Variants in NFASC observed in about 807,000 individuals in gnomAD.
The protein encoded by NFASC is neurofascin homolog.
NFASC carries 43 observed loss-of-function variants against 147.5 expected under a neutral mutation model. That is an observed-to-expected ratio of 0.29 (90% CI 0.23 to 0.38). NFASC has a LOEUF of 0.38. Ranked by LOEUF, NFASC falls within the 10% of genes least tolerant of loss-of-function variation. The probability of loss-of-function intolerance (pLI) is 1.00; values close to 1 mark genes in which losing one functional copy is unlikely to be tolerated. For missense variants in NFASC, 1,320 were observed against 1,689.0 expected (o/e 0.78, Z 3.83); for synonymous variants, 622 against 665.5 (o/e 0.93, Z 1.01).
At chr1:204,855,690 C>T (rs755057182) in intron 1 of NFASC, among the ~76,000 whole-genome samples, 3 of 152,160 alleles carry the variant, frequency 2.0e-5, no homozygotes, top group African/African-American at 7.2e-5. Flanking sequence ...GGACACAATT[C>T]TAAAGCATTG....
chr1:204,888,902 C>T (rs1455463729), intron 1 of NFASC, among the ~76,000 whole-genome samples: 1 of 152,110 alleles, frequency 6.6e-6, no homozygotes, highest in African/African-American at 2.4e-5. Context: ...CTGTGCTGCC[C>T]TAGAGTTAGA....
chr1:204,878,830 C>T (rs1033069636), intron 1 of NFASC, among the ~76,000 whole-genome samples: 4 of 152,178 alleles, frequency 2.6e-5, no homozygotes, highest in Non-Finnish European at 4.4e-5. Flanking sequence ...TAATTGCCAC[C>T]GGTTGAATCC....
At chr1:204,927,978 G>A (rs2149532361) in intron 2 of NFASC, among the ~76,000 whole-genome samples, 1 of 152,338 alleles carries the variant, frequency 6.6e-6, no homozygotes, top group African/African-American at 2.4e-5. Flanking sequence ...CCGTGGTGGT[G>A]GGATCGGAAT....
At chr1:204,873,464 C>T (rs143671888) in intron 1 of NFASC, among the ~76,000 whole-genome samples, 172 of 152,328 alleles carry the variant, frequency 1.1e-3, no homozygotes, top group African/African-American at 3.8e-3. Context: ...GAAACCACTC[C>T]CGTGGTTTAG....
At chr1:204,850,210 C>T (rs1022720320) in intron 1 of NFASC, among the ~76,000 whole-genome samples, 1 of 152,210 alleles carries the variant, frequency 6.6e-6, no homozygotes, top group African/African-American at 2.4e-5. Context: ...GAACAGAACT[C>T]CTTTCCCAGC....
At chr1:204,844,628 C>T (rs911145732) in intron 1 of NFASC, among the ~76,000 whole-genome samples, 2 of 152,108 alleles carry the variant, frequency 1.3e-5, no homozygotes, top group Non-Finnish European at 2.9e-5. Context: ...TGCCTGTAAT[C>T]CCAGCGCTTT....
intron 1 of NFASC, among the ~76,000 whole-genome samples, chr1:204,867,375 A>G (rs147463428): frequency 1.3e-3 from 190 of 151,670 alleles, no homozygotes; most frequent in African/African-American, 4.2e-3. Flanking sequence ...AGAGACCCAC[A>G]TATCAAAACA....
At chr1:204,974,534 G>C in intron 13 of NFASC, 123 bp from the exon 14 acceptor site, 1 of 1,193,946 alleles carries the variant, frequency 8.4e-7, no homozygotes, top group Non-Finnish European at 1.2e-6. Context: ...GAGGCTCAGG[G>C]CTCCAGTCTC....
At chr1:204,928,158 C>T (rs906597305) in intron 2 of NFASC, among the ~76,000 whole-genome samples, 1 of 152,178 alleles carries the variant, frequency 6.6e-6, no homozygotes, top group Non-Finnish European at 1.5e-5. Flanking sequence ...CTGAATACAT[C>T]CACTCACAGA....
At chr1:204,955,103 CAG>C in intron 7 of NFASC, 152 bp downstream of exon 7, 2 of 909,388 alleles carry the variant, frequency 2.2e-6, no homozygotes, top group Non-Finnish European at 3.3e-6. Flanking sequence ...ACAGGCTCTG[CAG>C]AGAGAGGCTG....
intron 1 of NFASC, among the ~76,000 whole-genome samples, chr1:204,865,118 G>A (rs886844952): frequency 1.3e-5 from 2 of 152,038 alleles, no homozygotes; most frequent in African/African-American, 4.8e-5. Flanking sequence ...ATATATATTA[G>A]TGCCCCTTTA....
At chr1:204,861,027 T>C (rs1028053322) in intron 1 of NFASC, among the ~76,000 whole-genome samples, 1 of 151,782 alleles carries the variant, frequency 6.6e-6, no homozygotes, top group Non-Finnish European at 1.5e-5. Context: ...TTGTGAATAG[T>C]GTTGCTATGA....
At chr1:204,919,743 C>T (rs1005880799) in intron 1 of NFASC, among the ~76,000 whole-genome samples, 2 of 152,124 alleles carry the variant, frequency 1.3e-5, no homozygotes, top group Admixed American at 1.3e-4. Flanking sequence ...ATTCTCCTGC[C>T]TCAGCCTCCC....
intron 1 of NFASC, among the ~76,000 whole-genome samples, chr1:204,892,947 T>A (rs2082678934): frequency 6.6e-6 from 1 of 152,224 alleles, no homozygotes; most frequent in East Asian, 1.9e-4. Context: ...AAAGCAAAAC[T>A]GTACCATGTG....
rs1272032697 is a variant in NFASC at position 205,016,544 on chromosome 1, G to T, written c.*5G>T. 6.2e-7 allele frequency: 1 copy of T among 1,606,214 alleles called. No individual in the cohort carries two copies. The highest frequency in any genetic ancestry group is 1.1e-5 in the South Asian group (1 of 90,916). On this transcript the variant is annotated 3_prime_UTR_variant, in exon 30 of 30. Transcript: ENST00000339876. This position sits in a 1 kb window ranked among gnomAD's most constrained non-coding sequence, Gnocchi z 5.1. ...GCTATCTACTCTCTGGCCTAACGGAGCCCACCCAGGCACAGCCACCACTTT... is the reference window on the plus strand; with the variant it reads ...GCTATCTACTCTCTGGCCTAACGGATCCCACCCAGGCACAGCCACCACTTT...
chr1:205,002,605 C>A lies in NFASC; in HGVS notation c.3146C>A (p.Thr1049Lys), dbSNP rs370138600. The change falls in exon 27 of 30, where the codon ACG becomes AAG. Residue 1049 changes from threonine (T) to lysine (K), a missense_variant. Transcript: ENST00000339876. The part of the protein sequence containing the change: ...FVVEYIDSNH[T>K]KKTVPVKAQA... ...GGTTTCTGTTCCCCAGGCAACCATA[C>A]GAAAAAAACTGTCCCAGTTAAGGCC... The A allele has an allele frequency of 1.3e-6, 2 of 1,518,030 alleles. No homozygotes were observed. The highest frequency in any genetic ancestry group is 1.8e-6 in the Non-Finnish European group (2 of 1,116,376). The allele number at this position is 1,518,030 out of a possible 1,614,324, so 94.0% of individuals were successfully genotyped here. A position where few individuals can be genotyped will look rare whatever the true frequency, so the allele number is the denominator to read the frequency against.
At chr1:205,004,439 G>A (rs1402908098) in intron 27 of NFASC, among the ~76,000 whole-genome samples, 1 of 152,220 alleles carries the variant, frequency 6.6e-6, no homozygotes, top group African/African-American at 2.4e-5. Context: ...TTCCAGTGAT[G>A]AAGCACTCAG....
chr1:204,981,133 C>T (rs144683009), intron 20 of NFASC, among the ~76,000 whole-genome samples: 2 of 152,372 alleles, frequency 1.3e-5, no homozygotes, highest in Non-Finnish European at 2.9e-5. Flanking sequence ...GGATCATGAC[C>T]TTCCCTGTCT....
chr1:204,966,834 C>T (rs947330859), intron 8 of NFASC, among the ~76,000 whole-genome samples: 1 of 152,156 alleles, frequency 6.6e-6, no homozygotes, highest in Non-Finnish European at 1.5e-5. Context: ...GCATATGTTT[C>T]ATCCTTTCTT....
Sources: allele counts gnomAD v4.1 joint callset (sites outside exome capture counted in the v4.1 genomes callset), GRCh38; gene constraint gnomAD v4.1.1; non-coding constraint Gnocchi (gnomAD v3.1); transcripts MANE v1.5; gene names NCBI Gene and HGNC (gene_info 2026-07-23, HGNC 2026-07-21).